The following MEFV variants were observed in gnomAD, a reference collection of about 807,000 sequenced individuals.
The protein encoded by MEFV is MEFV innate immunity regulator, pyrin, also known as pyrin.
Under a neutral mutation model 62.5 loss-of-function variants are expected in MEFV, and 60 were observed. That is an observed-to-expected ratio of 0.96 (90% CI 0.78 to 1.19). MEFV has a LOEUF of 1.19. Ranked by LOEUF, MEFV falls within the 50% of genes most tolerant of loss-of-function variation. The pLI, the probability that MEFV is intolerant of heterozygous loss-of-function variation, is 0.00. For missense variants in MEFV, 1,169 were observed against 1,004.5 expected, an observed-to-expected ratio of 1.16 and a Z score of -2.21; for synonymous variants, 500 against 415.2, an observed-to-expected ratio of 1.20 and a Z score of -2.48.
At chr16:3,253,464 A>G (rs565415883) in intron 2 of MEFV, among the ~76,000 whole-genome samples, 14 of 152,128 alleles carry the variant, frequency 9.2e-5, no homozygotes, top group Admixed American at 7.2e-4. Context: ...TTGGCCACTG[A>G]TAACACCTGA....
chr16:3,254,673 G>T lies in MEFV; in HGVS notation c.395C>A (p.Pro132His). 6.2e-7 allele frequency: 1 copy of T among 1,612,020 alleles called. No homozygotes were observed. Residue 132 changes from proline (P) to histidine (H), a missense_variant, in exon 2 of 10, where the codon CCT (proline) becomes CAT (histidine). Physicochemically the swap from Pro to His is moderately conservative, Grantham distance 77. Transcript: ENST00000219596. ...DHPEGNEGNGPRPYGGGAASL... is the reference protein window; with the variant it reads ...DHPEGNEGNGHRPYGGGAASL... ...GGCAGCTCCGCCCCCGTACGGCCGA[G>T]GGCCGTTCCCCTCGTTCCCCTCGGG...
chr16:3,246,175 G>A (rs2141668046), intron 6 of MEFV, among the ~76,000 whole-genome samples: 1 of 152,164 alleles, frequency 6.6e-6, no homozygotes, highest in African/African-American at 2.4e-5. Flanking sequence ...CTCCAAACAA[G>A]CTTCCCAAGG....
chr16:3,255,623 T>G (rs551436183), intron 1 of MEFV, among the ~76,000 whole-genome samples: 10 of 151,938 alleles, frequency 6.6e-5, no homozygotes, highest in African/African-American at 2.4e-4. Context: ...CCCAAGCTGG[T>G]CTCAAACTCC....
At chr16:3,247,295 CGTGG>C in intron 4 of MEFV, 49 bp from the exon 5 acceptor site, 1 of 1,571,022 alleles carries the variant, frequency 6.4e-7, no homozygotes, top group Non-Finnish European at 8.7e-7. Context: ...TGTGGGTGGA[CGTGG>C]ATGTCCAGGA....
At chr16:3,244,120 A>G (rs1958903455) in intron 8 of MEFV, 134 bp downstream of exon 8, 52 of 1,557,040 alleles carry the variant, frequency 3.3e-5, no homozygotes, top group Non-Finnish European at 4.3e-5. Flanking sequence ...GGGGCCTGCC[A>G]TGACCTTTCT....
At chr16:3,243,748 G>T (rs1277146696) in intron 9 of MEFV, 54 bp from the exon 10 acceptor site, 1 of 1,609,978 alleles carries the variant, frequency 6.2e-7, no homozygotes, top group Non-Finnish European at 8.5e-7. Context: ...CATCCCTACA[G>T]GGTTCTCCCC....
rs765717188 is a variant in MEFV at position 3,249,463 on chromosome 16, G to A, written c.1228C>T (p.Arg410Cys). The A allele has an allele frequency of 9.3e-6, 15 of 1,614,054 alleles. No individual in the cohort carries two copies. The highest frequency in any genetic ancestry group is 2.2e-5 in the South Asian group (2 of 91,088). Residue 410 changes from arginine (R) to cysteine (C), a missense_variant, in exon 3 of 10, where the codon CGC becomes TGC. By Grantham distance (180) the Arg-to-Cys change is radical. Transcript: ENST00000219596. Reference sequence around the variant, plus strand: ...TCCAGGGCGACCTCCTCAATGGGGCGCACCCGGTGGCCTTGGTGCTCCTGA... The same window carrying A: ...TCCAGGGCGACCTCCTCAATGGGGCACACCCGGTGGCCTTGGTGCTCCTGA... ...LSQEHQGHRV[R>C]PIEEVALEHK... is the part of the protein sequence containing the mutation.
In MEFV at chr16:3,243,653, T is replaced by C. The variant is rs751618872; in HGVS notation, c.1834A>G (p.Ile612Val). 1 of 1,602,394 alleles carries C rather than the reference T, an allele frequency of 6.2e-7. No individual in the cohort carries two copies. Among genetic ancestry groups the C allele is most frequent in the Non-Finnish European group, 8.5e-7 (1 of 1,174,854 alleles). The stretch of plus-strand genomic sequence containing the variant: ...ACACTCTTCAGATCATCAGAGAAGA[T>C]GAGGTTGGGGTAAGCGGTTTCTGCA... ...LDAETAYPNL[I>V]FSDDLKSVRL... Residue 612 changes from isoleucine (I) to valine (V), a missense_variant, in exon 10 of 10, where the codon ATC (isoleucine) becomes GTC (valine). Physicochemically the swap from Ile to Val is conservative, Grantham distance 29 (BLOSUM62 3). Coordinates refer to ENST00000219596, the MANE Select transcript of MEFV (RefSeq NM_000243.3).
intron 6 of MEFV, 43 bp from the exon 7 acceptor site, chr16:3,244,631 G>T (rs201558421): frequency 6.0e-6 from 9 of 1,496,374 alleles, no homozygotes; most frequent in African/African-American, 5.5e-5. Context: ...CGGAGCGAGG[G>T]GGTGGCCCAA....
At position 3,254,571 on chromosome 16, in the gene MEFV, G is replaced by A. The variant is rs766670643; in HGVS notation, c.497C>T (p.Ser166Leu). The change falls in exon 2 of 10, where the codon TCG becomes TTG. Residue 166 changes from serine (S) to leucine (L), a missense_variant. Ser to Leu is a moderately radical substitution (Grantham distance 145, BLOSUM62 -2). Coordinates refer to ENST00000219596, the MANE Select transcript of MEFV (RefSeq NM_000243.3). ...CTTGCCCTGCGCGTCCAGGCCCTCC[G>A]AGGCCTTCTCTCTGCGTTTGCTCAG... ...KPLSKRREKASEGLDAQGKPR... is the reference protein window; with the variant it reads ...KPLSKRREKALEGLDAQGKPR... The A allele has an allele frequency of 3.0e-5, 48 of 1,576,640 alleles. No homozygotes were observed. In the South Asian group the frequency reaches 5.0e-4, roughly 16 times the overall value.
chr16:3,244,043 C>G (rs1958902357), intron 8 of MEFV, 151 bp from the exon 9 acceptor site: 1 of 1,552,410 alleles, frequency 6.4e-7, no homozygotes, highest in African/African-American at 1.4e-5. Flanking sequence ...CTCCCAGGAA[C>G]CCAGGCCATG....
chr16:3,244,649 T>C, intron 6 of MEFV, 61 bp from the exon 7 acceptor site: 1 of 1,265,292 alleles, frequency 7.9e-7, no homozygotes, highest in Non-Finnish European at 1.2e-6. Flanking sequence ...CAAGTACCCG[T>C]GAGCTGGAAA....
Position 3,248,998 on chromosome 16 carries a change from T to G in MEFV, c.1267A>C (p.Ile423Leu), listed in dbSNP as rs104895149. The change falls in exon 4 of 10, where the codon ATT becomes CTT. Residue 423 changes from isoleucine (I) to leucine (L), a missense_variant. By Grantham distance (5) the Ile-to-Leu change is conservative. Coordinates refer to ENST00000219596, the MANE Select transcript of MEFV (RefSeq NM_000243.3). The stretch of plus-strand genomic sequence containing the variant: ...TTCAGATGCTCCAGCTGCTTCTGAA[T>G]TTTCTTCTGGAAAAACAGCACTTGT... ...EEVALEHKKK[I>L]QKQLEHLKKL... 1 of 1,614,122 alleles carries G rather than the reference T, an allele frequency of 6.2e-7. No individual in the cohort carries two copies. The highest frequency in any genetic ancestry group is 8.5e-7 in the Non-Finnish European group (1 of 1,180,008).
chr16:3,244,182 C>T (rs1958904627), intron 8 of MEFV, 72 bp downstream of exon 8: 1 of 1,610,198 alleles, frequency 6.2e-7, no homozygotes, highest in East Asian at 2.2e-5. Context: ...TAAATAGGGC[C>T]CCTCAAGTCA....
intron 6 of MEFV, among the ~76,000 whole-genome samples, chr16:3,246,194 A>G (rs1958940302): frequency 6.6e-6 from 1 of 152,154 alleles, no homozygotes; most frequent in Non-Finnish European, 1.5e-5. Flanking sequence ...GGCCACCAGT[A>G]GGCCTGAAGG....
chr16:3,253,780 T>A (rs1211978971), intron 2 of MEFV, among the ~76,000 whole-genome samples: 1 of 152,064 alleles, frequency 6.6e-6, no homozygotes, highest in Non-Finnish European at 1.5e-5. Context: ...CTCCGTCTGC[T>A]CAAGTGAACC....
rs926548004 is a variant in MEFV at position 3,243,768 on chromosome 16, A to G, written c.1793-74T>C. 5.0e-6 allele frequency: 8 copies of G among 1,608,676 alleles called. No homozygotes were observed. The East Asian group carries it at 1.6e-4, about 31-fold the overall frequency. On this transcript the variant is annotated intron_variant, in intron 9 of 9. Coordinates refer to ENST00000219596, the MANE Select transcript of MEFV (RefSeq NM_000243.3). ...CTACAGGGTTCTCCCCACCTGCAGG[A>G]AACAGGGACAGGGTAGTTCTTCTGG...
chr16:3,246,900 C>G, intron 5 of MEFV, 116 bp downstream of exon 5: 1 of 1,011,542 alleles, frequency 9.9e-7, no homozygotes, highest in South Asian at 1.3e-5. Flanking sequence ...CAAGTCCTAT[C>G]CTAGGCCTTA....
intron 8 of MEFV, 101 bp downstream of exon 8, chr16:3,244,153 G>C: frequency 6.5e-7 from 1 of 1,539,980 alleles, no homozygotes; most frequent in Non-Finnish European, 8.7e-7. Flanking sequence ...CCAGGTGTTT[G>C]GTTTTTTTTT....
Sources: allele counts gnomAD v4.1 joint callset (sites outside exome capture counted in the v4.1 genomes callset), GRCh38; gene constraint gnomAD v4.1.1; transcripts MANE v1.5; gene names NCBI Gene and HGNC (gene_info 2026-07-23, HGNC 2026-07-21).